The following RPS6KA5 variants were observed in gnomAD, a reference collection of about 807,000 sequenced individuals.
The protein encoded by RPS6KA5 is ribosomal protein S6 kinase alpha-5.
A neutral mutation model predicts 85.5 loss-of-function variants in RPS6KA5; 27 were observed. The ratio of observed to expected loss-of-function variants is 0.32; its 90% confidence interval spans 0.23 to 0.44. The LOEUF (loss-of-function observed/expected upper bound fraction) is 0.44, where lower values mean the gene tolerates loss of function less well. RPS6KA5 is among the 20% of genes least tolerant of loss of function. RPS6KA5 has a pLI of 1.00. For missense variants in RPS6KA5, 811 were observed against 980.9 expected (o/e 0.83, Z 2.31); for synonymous variants, 334 against 348.2 (o/e 0.96, Z 0.46).
chr14:91,041,604 A>G (rs1351396470), intron 1 of RPS6KA5, among the ~76,000 whole-genome samples: 1 of 152,224 alleles, frequency 6.6e-6, no homozygotes, highest in Admixed American at 6.5e-5. Flanking sequence ...AAGAACTTAA[A>G]AATAAGCTAA....
chr14:90,982,753 C>A (rs998487340), intron 2 of RPS6KA5, among the ~76,000 whole-genome samples: 1 of 152,160 alleles, frequency 6.6e-6, no homozygotes, highest in Non-Finnish European at 1.5e-5. Flanking sequence ...CCGGAGCGGG[C>A]GGATCACCTG....
At chr14:90,872,869 G>A (rs1435413677) in intron 16 of RPS6KA5, among the ~76,000 whole-genome samples, 2 of 152,174 alleles carry the variant, frequency 1.3e-5, no homozygotes, top group Non-Finnish European at 2.9e-5. Flanking sequence ...CTTAGCCTAG[G>A]CTTGGATAAT....
intron 1 of RPS6KA5, among the ~76,000 whole-genome samples, chr14:91,055,206 G>A (rs2043262934): frequency 6.6e-6 from 1 of 152,190 alleles, no homozygotes; most frequent in Admixed American, 6.5e-5. Flanking sequence ...CAACAGTTTG[G>A]CAGTTTCTTA....
rs1488311068 is a variant in RPS6KA5, at chr14:90,882,224, G to T, written c.1837-6864C>A. 3.3e-5 allele frequency among the ~76,000 whole-genome samples: 5 copies of T among 152,048 alleles called. No homozygotes were observed. The East Asian group carries it at 9.6e-4, about 29-fold the overall frequency. On this transcript the variant is annotated intron_variant, in intron 14 of 16. Transcript: ENST00000614987. ...AGTTATAACACTCTAACTTGAATTTGTATCAGTTTAACTTTAATAATGTAG... is the reference window on the plus strand; with the variant it reads ...AGTTATAACACTCTAACTTGAATTTTTATCAGTTTAACTTTAATAATGTAG...
At chr14:90,907,545 G>A (rs2035579840) in intron 7 of RPS6KA5, among the ~76,000 whole-genome samples, 1 of 152,126 alleles carries the variant, frequency 6.6e-6, no homozygotes, top group Non-Finnish European at 1.5e-5. Context: ...ATAGAAAATA[G>A]GCCTAGACGC....
intron 3 of RPS6KA5, among the ~76,000 whole-genome samples, chr14:90,964,120 A>G (rs184494274): frequency 2.0e-5 from 3 of 152,350 alleles, no homozygotes; most frequent in African/African-American, 4.8e-5. Context: ...GGGTCAAAAA[A>G]TAGACATTAG....
chr14:90,872,169 C>A lies in RPS6KA5; in HGVS notation c.2314G>T (p.Gly772Cys). ...SSHSSSSHSH[G>C]KTTPTKTLQP... ...AGTGTCTTGGTGGGTGTAGTTTTAC[C>A]GTGAGAATGAGAGGAAGAAGAATGG... Residue 772 changes from glycine (G) to cysteine (C), a missense_variant, in exon 17 of 17, where the codon GGT (glycine) becomes TGT (cysteine). Physicochemically the swap from Gly to Cys is radical, Grantham distance 159 (BLOSUM62 -3). Coordinates refer to ENST00000614987, the MANE Select transcript of RPS6KA5 (RefSeq NM_004755.4). 6.2e-7 allele frequency: 1 copy of A among 1,613,576 alleles called. No homozygotes were observed. The highest frequency in any genetic ancestry group is 8.5e-7 in the Non-Finnish European group (1 of 1,179,930).
At chr14:91,016,120 G>A (rs1488047247) in intron 1 of RPS6KA5, among the ~76,000 whole-genome samples, 2 of 152,142 alleles carry the variant, frequency 1.3e-5, no homozygotes, top group Admixed American at 6.5e-5. Context: ...CCCCTGAAAC[G>A]AAGTTAAGCA....
At chr14:90,974,533 C>CT (rs1222266148) in intron 3 of RPS6KA5, among the ~76,000 whole-genome samples, 1 of 152,206 alleles carries the variant, frequency 6.6e-6, no homozygotes, top group East Asian at 1.9e-4. Flanking sequence ...GACAGTGAAG[C>CT]TATGTGAGTT....
chr14:90,952,199 G>T (rs1320553328), intron 3 of RPS6KA5, among the ~76,000 whole-genome samples: 3 of 152,198 alleles, frequency 2.0e-5, no homozygotes, highest in Non-Finnish European at 4.4e-5. Flanking sequence ...GTTGTGTTAA[G>T]CCTCCTTACA....
At chr14:90,989,233 A>T (rs1163440280) in intron 2 of RPS6KA5, among the ~76,000 whole-genome samples, 1 of 152,142 alleles carries the variant, frequency 6.6e-6, no homozygotes, top group Non-Finnish European at 1.5e-5. Flanking sequence ...AACTTATGCC[A>T]AAGGGACTTG....
At chr14:90,920,032 A>C (rs1396477330) in intron 7 of RPS6KA5, among the ~76,000 whole-genome samples, 174 bp downstream of exon 7, 2 of 152,240 alleles carry the variant, frequency 1.3e-5, no homozygotes, top group African/African-American at 4.8e-5. Flanking sequence ...CAGTATAAAG[A>C]AATGTAAAGG....
At chr14:90,936,777 C>G (rs575055067) in intron 5 of RPS6KA5, among the ~76,000 whole-genome samples, 2 of 152,114 alleles carry the variant, frequency 1.3e-5, no homozygotes, top group Non-Finnish European at 2.9e-5. Context: ...AAACATCAAA[C>G]ATACATAAAA....
chr14:90,969,520 T>C (rs1425203496), intron 3 of RPS6KA5, among the ~76,000 whole-genome samples: 1 of 152,222 alleles, frequency 6.6e-6, no homozygotes, highest in African/African-American at 2.4e-5. Flanking sequence ...TGCAAAAGGA[T>C]AACCACAGAA....
chr14:90,972,259 A>C (rs991131057), intron 3 of RPS6KA5, among the ~76,000 whole-genome samples: 1 of 152,208 alleles, frequency 6.6e-6, no homozygotes, highest in African/African-American at 2.4e-5. Context: ...TGTGATTCTA[A>C]AGTTCATGCT....
At chr14:90,992,332 C>G (rs1359852857) in intron 2 of RPS6KA5, among the ~76,000 whole-genome samples, 1 of 152,156 alleles carries the variant, frequency 6.6e-6, no homozygotes, top group East Asian at 1.9e-4. Flanking sequence ...TGGCTGACAA[C>G]TGATCCATTA....
In RPS6KA5 at chr14:91,060,606, G is replaced by C. The variant is rs1424237707; in HGVS notation, c.-172C>G. 2 of 902,438 alleles carry C rather than the reference G, an allele frequency of 2.2e-6. No homozygotes were observed. Among genetic ancestry groups the C allele is most frequent in the Non-Finnish European group, 2.9e-6 (2 of 686,418 alleles). 55.9% of individuals were successfully genotyped at this position (902,438 alleles called of 1,614,324 possible). A position where few individuals can be genotyped will look rare whatever the true frequency, so the allele number is the denominator to read the frequency against. Reference sequence around the variant, plus strand: ...GCTCTGGCCGCACGGCTCGCTCCTCGCCTCCTCCCCCTTCGGCGGGCACCG... The same window carrying C: ...GCTCTGGCCGCACGGCTCGCTCCTCCCCTCCTCCCCCTTCGGCGGGCACCG... On this transcript the variant is annotated 5_prime_UTR_variant, in exon 1 of 17. Coordinates refer to ENST00000614987, the MANE Select transcript of RPS6KA5 (RefSeq NM_004755.4).
At chr14:91,002,273 A>G (rs971588648) in intron 1 of RPS6KA5, among the ~76,000 whole-genome samples, 3 of 152,154 alleles carry the variant, frequency 2.0e-5, no homozygotes, top group African/African-American at 4.8e-5. Context: ...TTTATAAATA[A>G]ATATAGCTAT....
chr14:90,987,046 G>A (rs2040084585), intron 2 of RPS6KA5, among the ~76,000 whole-genome samples: 1 of 152,208 alleles, frequency 6.6e-6, no homozygotes, highest in Admixed American at 6.5e-5. Context: ...AATGTCATTT[G>A]ACACCTTCAT....
Sources: allele counts gnomAD v4.1 joint callset (sites outside exome capture counted in the v4.1 genomes callset), GRCh38; gene constraint gnomAD v4.1.1; transcripts MANE v1.5; gene names NCBI Gene and HGNC (gene_info 2026-07-23, HGNC 2026-07-21).